Variants in SLC25A20 observed in about 807,000 individuals in gnomAD.
SLC25A20 encodes the protein mitochondrial carnitine/acylcarnitine carrier protein.
SLC25A20 carries 29 observed loss-of-function variants against 39.7 expected under a neutral mutation model. The observed-to-expected ratio is 0.73, with a 90% CI of 0.54 to 1.00. The LOEUF (loss-of-function observed/expected upper bound fraction) is 1.00, where lower values mean the gene tolerates loss of function less well. SLC25A20 is among the 50% of genes least tolerant of loss of function. The pLI is 0.00. For synonymous variants in SLC25A20, 103 were observed against 142.2 expected (o/e 0.72, Z 1.96); for missense variants, 333 against 379.9 (o/e 0.88, Z 1.03).
chr3:48,864,557 T>C (rs368271972), intron 4 of SLC25A20, among the ~76,000 whole-genome samples: 1,686 of 151,350 alleles, frequency 0.011, 31 homozygotes, highest in Middle Eastern at 0.048. Context: ...TGAGTATCAA[T>C]GGTTTTTTTT....
chr3:48,865,213 C>T (rs976597302), intron 4 of SLC25A20, among the ~76,000 whole-genome samples: 24 of 151,768 alleles, frequency 1.6e-4, no homozygotes, highest in African/African-American at 4.6e-4. Context: ...CTGCAACCTC[C>T]GCCTCCTGGG....
intron 1 of SLC25A20, among the ~76,000 whole-genome samples, chr3:48,895,419 G>T (rs538359280): frequency 6.6e-6 from 1 of 152,356 alleles, no homozygotes; most frequent in South Asian, 2.1e-4. Context: ...GATTACAGGC[G>T]TGAGCCACCG....
chr3:48,870,843 G>C (rs533624817), intron 4 of SLC25A20, among the ~76,000 whole-genome samples: 11 of 146,010 alleles, frequency 7.5e-5, no homozygotes, highest in Non-Finnish European at 1.3e-4. Flanking sequence ...TTTTGAGACA[G>C]GGTCTTACTC....
chr3:48,866,515 C>T (rs1489710694), intron 4 of SLC25A20, among the ~76,000 whole-genome samples: 3 of 151,822 alleles, frequency 2.0e-5, no homozygotes, highest in East Asian at 1.9e-4. Context: ...GATTATGCCA[C>T]TGCATTCCAG....
At chr3:48,896,654 G>A (rs2083911679) in intron 1 of SLC25A20, among the ~76,000 whole-genome samples, 1 of 151,692 alleles carries the variant, frequency 6.6e-6, no homozygotes, top group African/African-American at 2.4e-5. Flanking sequence ...GGGATTACAG[G>A]CACCTGCCAC....
chr3:48,898,332 G>A (rs2083924689), intron 1 of SLC25A20, among the ~76,000 whole-genome samples: 1 of 152,226 alleles, frequency 6.6e-6, no homozygotes, highest in Non-Finnish European at 1.5e-5. Flanking sequence ...CTTTACAGGG[G>A]ACCTGTTTCA....
intron 2 of SLC25A20, 122 bp from the exon 3 acceptor site, chr3:48,884,246 A>T: frequency 8.1e-7 from 1 of 1,237,254 alleles, no homozygotes; most frequent in Non-Finnish European, 1.2e-6. Context: ...AAGCAAGGAG[A>T]ACTTTAAATG....
intron 2 of SLC25A20, among the ~76,000 whole-genome samples, chr3:48,890,642 C>G (rs975144092): frequency 6.9e-6 from 1 of 144,278 alleles, no homozygotes; most frequent in Admixed American, 7.7e-5. Flanking sequence ...CCTTACCCTG[C>G]CCCCTTGTCT....
rs1420621713 is a variant in SLC25A20 at position 48,871,584 on chromosome 3, G to C, written c.417+7774C>G. 2.0e-5 allele frequency among the ~76,000 whole-genome samples: 3 copies of C among 151,842 alleles called. 1 individual carries two copies. The highest frequency in any genetic ancestry group is 4.2e-4 in the South Asian group (2 of 4,814). ...GGAGTTCGAGACCAGCCTGACCAAT[G>C]TGGAGAAACCCCATCTCTTCTAAGA... On this transcript the variant is annotated intron_variant, in intron 4 of 8. Coordinates refer to ENST00000319017, the MANE Select transcript of SLC25A20 (RefSeq NM_000387.6).
intron 4 of SLC25A20, among the ~76,000 whole-genome samples, chr3:48,862,904 T>C (rs2083638053): frequency 6.6e-6 from 1 of 152,024 alleles, no homozygotes; most frequent in Admixed American, 6.6e-5. Flanking sequence ...AAAAACAAGT[T>C]GAGGAGGCCG....
intron 4 of SLC25A20, among the ~76,000 whole-genome samples, chr3:48,866,690 C>CACTCCGTTGCTCAGGCTCAAGTACAGTG (rs71077744): frequency 2.0e-5 from 3 of 151,952 alleles, no homozygotes; most frequent in African/African-American, 7.2e-5. Flanking sequence ...GACAGGTTCC[C>CACTCCGTTGCTCAGGCTCAAGTACAGTG]GATGATCTCT....
At chr3:48,866,263 A>G (rs2106640358) in intron 4 of SLC25A20, among the ~76,000 whole-genome samples, 1 of 151,842 alleles carries the variant, frequency 6.6e-6, no homozygotes, top group East Asian at 2.0e-4. Flanking sequence ...GTATAAAAAA[A>G]CCAGAAACAG....
chr3:48,873,328 C>T (rs578087598), intron 4 of SLC25A20, among the ~76,000 whole-genome samples: 2 of 151,564 alleles, frequency 1.3e-5, no homozygotes, highest in East Asian at 4.0e-4. Flanking sequence ...ACCGGACTGG[C>T]GGCTGGGCGC....
chr3:48,863,035 T>C (rs1040363122), intron 4 of SLC25A20, among the ~76,000 whole-genome samples: 2 of 151,606 alleles, frequency 1.3e-5, no homozygotes, highest in East Asian at 3.9e-4. Flanking sequence ...CTACGAAAAA[T>C]ACAAAAATTA....
intron 2 of SLC25A20, among the ~76,000 whole-genome samples, chr3:48,887,051 G>A (rs905119592): frequency 6.6e-5 from 10 of 152,130 alleles, no homozygotes; most frequent in African/African-American, 2.4e-5. Context: ...CAGGCTGCAG[G>A]TGGACTCCAA....
chr3:48,891,887 G>A, intron 2 of SLC25A20, 93 bp downstream of exon 2: 2 of 1,029,922 alleles, frequency 1.9e-6, no homozygotes, highest in South Asian at 2.5e-5. Context: ...CTGTCCAGCA[G>A]AACCACACAG....
intron 4 of SLC25A20, among the ~76,000 whole-genome samples, chr3:48,873,925 C>A (rs1215961263): frequency 7.8e-6 from 1 of 128,302 alleles, no homozygotes; most frequent in African/African-American, 2.9e-5. Context: ...GCTGAGATTG[C>A]GCTACTGCAC....
intron 5 of SLC25A20, 118 bp downstream of exon 5, chr3:48,862,424 C>CA (rs1358024922): frequency 1.2e-5 from 9 of 761,498 alleles, no homozygotes; most frequent in African/African-American, 3.4e-5. Flanking sequence ...CCAGTATTGT[C>CA]AGAGATGTGA....
In SLC25A20 at chr3:48,879,495, C is replaced by T. The variant is rs192500322; in HGVS notation, c.327-47G>A. The T allele has an allele frequency of 1.1e-4, 146 of 1,316,452 alleles. No individual in the cohort carries two copies. The East Asian group carries it at 3.0e-3, about 27-fold the overall frequency. 81.5% of individuals were successfully genotyped at this position (1,316,452 alleles called of 1,614,324 possible). On this transcript the variant is annotated intron_variant, in intron 3 of 8. Coordinates refer to ENST00000319017, the MANE Select transcript of SLC25A20 (RefSeq NM_000387.6). ...GAAGCAAGCACCTGTGACTAACCAC[C>T]GAGGACAGAGGCCAATCCCAGCAAA...
Sources: gnomAD v4.1 joint callset for allele counts (sites outside exome capture counted in the v4.1 genomes callset) on GRCh38, gnomAD v4.1.1 for gene constraint, MANE v1.5 for transcripts, NCBI Gene and HGNC (gene_info 2026-07-23, HGNC 2026-07-21) for gene names.